Variants in DNMT3A observed in about 807,000 individuals in gnomAD.
DNMT3A encodes the protein DNA (cytosine-5)-methyltransferase 3A.
Under a neutral mutation model 117.6 loss-of-function variants are expected in DNMT3A, and 267 were observed. The ratio of observed to expected loss-of-function variants is 2.27; its 90% CI spans 2.05 to 2.51. The LOEUF (loss-of-function observed/expected upper bound fraction) is 2.51. Among genes scored for constraint, DNMT3A ranks in the 30% most tolerant of loss-of-function variants. The pLI is 0.00. For synonymous variants in DNMT3A, 432 were observed against 474.8 expected (o/e 0.91, Z 1.17); for missense variants, 1,029 against 1,260.2 (o/e 0.82, Z 2.78).
intron 2 of DNMT3A, among the ~76,000 whole-genome samples, chr2:25,309,106 C>T (rs974380558): frequency 4.6e-5 from 7 of 152,352 alleles, no homozygotes; most frequent in African/African-American, 7.2e-5. Context: ...AGAGGAGCTG[C>T]CCAGCAGGCC....
At position 25,241,665 on chromosome 2, in the gene DNMT3A, T is replaced by C. The variant is rs767552800; in HGVS notation, c.1979A>G (p.Tyr660Cys). The C allele has an allele frequency of 3.1e-6, 5 of 1,614,092 alleles. No individual in the cohort carries two copies. Among genetic ancestry groups the C allele is most frequent in the African/African-American group, 1.3e-5 (1 of 75,036 alleles). ...GTCCTCACACACCTCCGAGGCAATG[T>C]AGCGGTCCACCTGAATGCCCAAGTC... ...LKDLGIQVDR[Y>C]IASEVCEDSI... The change falls in exon 17 of 23, where the codon TAC (tyrosine) becomes TGC (cysteine). Residue 660 changes from tyrosine (Y) to cysteine (C), a missense_variant. By Grantham distance (194) the Tyr-to-Cys change is radical. Transcript: ENST00000321117.
intron 6 of DNMT3A, among the ~76,000 whole-genome samples, chr2:25,268,512 AC>A (rs2030570750): frequency 6.6e-6 from 1 of 152,144 alleles, no homozygotes; most frequent in African/African-American, 2.4e-5. Flanking sequence ...GCCCTTCCTA[AC>A]CCTCAAGCCC....
At chr2:25,307,541 C>T (rs1340685141) in intron 2 of DNMT3A, among the ~76,000 whole-genome samples, 2 of 148,504 alleles carry the variant, frequency 1.3e-5, no homozygotes, top group African/African-American at 5.0e-5. Context: ...TCTTGGCTCA[C>T]TGCAACCTCC....
intron 1 of DNMT3A, among the ~76,000 whole-genome samples, chr2:25,324,938 A>G (rs1177219959): frequency 1.3e-5 from 2 of 152,152 alleles, no homozygotes; most frequent in Non-Finnish European, 2.9e-5. Flanking sequence ...CTGGCTCTAG[A>G]GTCACAATAA....
intron 1 of DNMT3A, among the ~76,000 whole-genome samples, chr2:25,330,489 G>A (rs1297875525): frequency 6.6e-6 from 1 of 152,236 alleles, no homozygotes; most frequent in African/African-American, 2.4e-5. Context: ...CTCCCCAGGG[G>A]TGTGGCTGCA....
At chr2:25,253,981 A>C (rs527792564) in intron 6 of DNMT3A, among the ~76,000 whole-genome samples, 20 of 152,084 alleles carry the variant, frequency 1.3e-4, no homozygotes, top group African/African-American at 4.6e-4. Context: ...CTGAGGCAAG[A>C]GAATCGCTTC....
At chr2:25,330,269 G>A (rs559324523) in intron 1 of DNMT3A, among the ~76,000 whole-genome samples, 1 of 152,286 alleles carries the variant, frequency 6.6e-6, no homozygotes, top group South Asian at 2.1e-4. Flanking sequence ...CCACTTCCAG[G>A]GGGCCAGTCC....
At chr2:25,284,928 T>A (rs2032187563) in intron 3 of DNMT3A, among the ~76,000 whole-genome samples, 1 of 152,178 alleles carries the variant, frequency 6.6e-6, no homozygotes, top group Non-Finnish European at 1.5e-5. Context: ...AACTTGCTTT[T>A]TCACTTAACA....
intron 9 of DNMT3A, 125 bp from the exon 10 acceptor site, chr2:25,246,901 G>C: frequency 6.6e-7 from 1 of 1,507,098 alleles, no homozygotes; most frequent in African/African-American, 1.4e-5. Context: ...CGCTGAGGAG[G>C]AGCGGGATGT....
intron 1 of DNMT3A, among the ~76,000 whole-genome samples, chr2:25,329,673 CCACACACACACACA>C (rs55905204): frequency 7.2e-5 from 10 of 138,394 alleles, no homozygotes; most frequent in South Asian, 2.2e-4. Context: ...CATGCAGACC[CCACACACACACACA>C]CACACACACA....
intron 1 of DNMT3A, among the ~76,000 whole-genome samples, chr2:25,326,489 G>A (rs983918000): frequency 4.6e-5 from 7 of 152,264 alleles, no homozygotes; most frequent in East Asian, 1.9e-4. Context: ...CAGTTTATTC[G>A]CCCATCATTG....
Position 25,247,924 on chromosome 2 carries a change from G to A in DNMT3A, c.855+113C>T, listed in dbSNP as rs1434258391. 2 of 1,535,284 alleles carry A rather than the reference G, an allele frequency of 1.3e-6. No homozygotes were observed. Among genetic ancestry groups the A allele is most frequent in the African/African-American group, 2.8e-5 (2 of 72,424 alleles). ...GGGAGACGAAGAGGCCCGGGGTCAG[G>A]TGGAGAGAGCGAGCGGCCCGTGGGA... On this transcript the variant is annotated intron_variant, in intron 7 of 22. Coordinates refer to ENST00000321117, the MANE Select transcript of DNMT3A (RefSeq NM_022552.5). The surrounding 1 kb of genome is among the most constrained non-coding windows in gnomAD (Gnocchi z 5.6).
chr2:25,285,231 C>A (rs887915596), intron 3 of DNMT3A, among the ~76,000 whole-genome samples: 14 of 152,240 alleles, frequency 9.2e-5, no homozygotes, highest in African/African-American at 3.1e-4. Context: ...CCCAGCCCCT[C>A]CCCTGCAAAG....
At chr2:25,276,239 GC>G (rs1248032260) in intron 4 of DNMT3A, among the ~76,000 whole-genome samples, 1 of 152,100 alleles carries the variant, frequency 6.6e-6, no homozygotes, top group Non-Finnish European at 1.5e-5. Context: ...CCATGCTCAG[GC>G]CCCTGAGCTC....
chr2:25,284,583 G>T (rs978083119), intron 3 of DNMT3A, among the ~76,000 whole-genome samples: 1 of 135,080 alleles, frequency 7.4e-6, no homozygotes, highest in Non-Finnish European at 1.5e-5. Flanking sequence ...GGAGGTAGAG[G>T]TTGCAGTGAG....
In DNMT3A at chr2:25,285,845, C is replaced by A. The variant is rs535430935; in HGVS notation, c.178-3134G>T. On this transcript the variant is annotated intron_variant, in intron 3 of 22. Transcript: ENST00000321117. ...CACCCTTCAAGGCTCAGTCATGAGC[C>A]CCAGCAGCCTGAAAAGTGGAGTGTA... Among the ~76,000 whole-genome samples the A allele has an allele frequency of 5.8e-4, 89 of 152,324 alleles. 4 individuals carry two copies. In the South Asian group the frequency reaches 0.018, roughly 30 times the overall value.
intron 3 of DNMT3A, among the ~76,000 whole-genome samples, chr2:25,285,638 G>T (rs1234544246): frequency 6.6e-6 from 1 of 152,244 alleles, no homozygotes; most frequent in Non-Finnish European, 1.5e-5. Context: ...TGGGGGCTTG[G>T]GCTGATGCCA....
chr2:25,275,212 G>A, intron 5 of DNMT3A, 125 bp from the exon 6 acceptor site: 1 of 1,347,468 alleles, frequency 7.4e-7, no homozygotes, highest in Non-Finnish European at 9.8e-7. Flanking sequence ...TGGGAGTGCT[G>A]GGCAGGCCCC....
intron 2 of DNMT3A, among the ~76,000 whole-genome samples, chr2:25,301,266 CAA>C (rs57731656): frequency 0.38 from 55,114 of 144,836 alleles, 10,704 homozygotes; most frequent in Middle Eastern, 0.48. Context: ...GAGACTGTCT[CAA>C]AAAAAAAAAA....
Sources: gnomAD v4.1 joint callset for allele counts (sites outside exome capture counted in the v4.1 genomes callset) on GRCh38, gnomAD v4.1.1 for gene constraint, Gnocchi (gnomAD v3.1) non-coding constraint, MANE v1.5 for transcripts, NCBI Gene and HGNC (gene_info 2026-07-23, HGNC 2026-07-21) for gene names.